The following SLC25A53 variants were observed in gnomAD, a reference collection of about 807,000 sequenced individuals.
The protein encoded by SLC25A53 is solute carrier family 25 member 53, also known as mitochondrial carrier triple repeat protein 6.
Under a neutral mutation model 15.0 loss-of-function variants are expected in SLC25A53, and 5 were observed. That is an observed-to-expected ratio of 0.33 (90% CI 0.17 to 0.70). SLC25A53 has a LOEUF of 0.70. SLC25A53 is among the 30% of genes least tolerant of loss of function. The pLI is 0.67. For synonymous variants in SLC25A53, 95 were observed against 100.0 expected (o/e 0.95, Z 0.30); for missense variants, 216 against 241.6 (o/e 0.89, Z 0.70).
intron 1 of SLC25A53, among the ~76,000 whole-genome samples, chrX:104,129,268 C>T (rs1321228672): frequency 1.8e-5 from 2 of 111,665 alleles, no homozygotes; most frequent in African/African-American, 6.5e-5. Flanking sequence ...TATAGACTGG[C>T]AAGCCTTTCC....
At chrX:104,130,188 C>A (rs1439899192) in intron 1 of SLC25A53, among the ~76,000 whole-genome samples, 1 of 110,970 alleles carries the variant, frequency 9.0e-6, no homozygotes, top group African/African-American at 3.3e-5. Flanking sequence ...CCAGTACGCA[C>A]TCCCTGCTAT....
chrX:104,120,051 G>A (rs4471175), intron 1 of SLC25A53, among the ~76,000 whole-genome samples: 17,547 of 110,986 alleles, frequency 0.16, 1,212 homozygotes, highest in Non-Finnish European at 0.23. Context: ...ATGCGGCATC[G>A]GTTCATCATT....
intron 1 of SLC25A53, among the ~76,000 whole-genome samples, chrX:104,132,832 A>C (rs1488827700): frequency 1.8e-5 from 2 of 111,893 alleles, no homozygotes; most frequent in Non-Finnish European, 3.8e-5. Flanking sequence ...CAGAGTTTCC[A>C]CAGCAGCTGA....
chrX:104,120,640 T>A (rs2075390545), intron 1 of SLC25A53, among the ~76,000 whole-genome samples: 1 of 111,836 alleles, frequency 8.9e-6, no homozygotes, highest in South Asian at 3.7e-4. Flanking sequence ...ATGATGGTAG[T>A]TTTATTTCTT....
chrX:104,114,918 T>C, intron 1 of SLC25A53: 2 of 1,199,438 alleles, frequency 1.7e-6, no homozygotes, highest in Admixed American at 2.3e-5. Context: ...TAGAAATAGA[T>C]GATACCCTTG....
intron 1 of SLC25A53, chrX:104,114,048 A>G: frequency 8.3e-7 from 1 of 1,203,763 alleles, no homozygotes. Context: ...AGAATCCTGC[A>G]GATAAGGCTT....
chrX:104,119,035 T>C (rs781993262), intron 1 of SLC25A53, among the ~76,000 whole-genome samples: 2 of 111,853 alleles, frequency 1.8e-5, no homozygotes, highest in East Asian at 5.6e-4. Context: ...GTCTATGCTT[T>C]TGGTGCAAAT....
At chrX:104,151,725 C>T (rs2075485218) in intron 1 of SLC25A53, among the ~76,000 whole-genome samples, 1 of 112,161 alleles carries the variant, frequency 8.9e-6, no homozygotes, top group Admixed American at 9.5e-5. Context: ...TCCTTCACAA[C>T]CATCTGTCCA....
At chrX:104,147,128 G>C (rs1359637156) in intron 1 of SLC25A53, among the ~76,000 whole-genome samples, 104 of 111,440 alleles carry the variant, frequency 9.3e-4, no homozygotes, top group South Asian at 3.4e-3. Context: ...GAACAGAACA[G>C]AGCCCTCAGA....
intron 1 of SLC25A53, among the ~76,000 whole-genome samples, chrX:104,137,987 A>G (rs1242647749): frequency 4.4e-5 from 5 of 112,588 alleles, no homozygotes; most frequent in African/African-American, 1.6e-4. Context: ...CCAAATTCTA[A>G]AAGTGAACAG....
At chrX:104,122,989 G>A (rs1201514581) in intron 1 of SLC25A53, among the ~76,000 whole-genome samples, 1 of 111,905 alleles carries the variant, frequency 8.9e-6, no homozygotes, top group Non-Finnish European at 1.9e-5. Context: ...GACAATAACA[G>A]GAAGTCCCTC....
intron 1 of SLC25A53, among the ~76,000 whole-genome samples, chrX:104,121,920 T>TC (rs2075395222): frequency 0.024 from 1,142 of 47,625 alleles, 77 homozygotes; most frequent in Non-Finnish European, 0.034. Context: ...TATATATATA[T>TC]ATATATATAT....
intron 1 of SLC25A53, among the ~76,000 whole-genome samples, chrX:104,107,543 C>T: frequency 8.9e-6 from 1 of 112,591 alleles, no homozygotes; most frequent in Middle Eastern, 4.6e-3. Flanking sequence ...CCCAACAGTC[C>T]TCAGCTCTCC....
At position 104,105,234 on chromosome X, in the gene SLC25A53, G is replaced by A. The variant is rs1226746964; in HGVS notation, c.24C>T (p.Pro8=). 5.8e-6 allele frequency: 7 copies of A among 1,208,755 alleles called. No individual in the cohort carries two copies. The highest frequency in any genetic ancestry group is 1.7e-5 in the African/African-American group (1 of 57,815). MGEQNHS[P]GKELQHRTRA... is the part of the protein sequence containing the mutation. ...GCGTCCTGTGCTGAAGCTCCTTCCC[G>A]GGAGAGTGGTTCTGCTCCCCCATGC... Residue 8 remains proline, a synonymous_variant, in exon 2 of 2, where the codon CCC becomes CCT. Coordinates refer to ENST00000594199, the MANE Select transcript of SLC25A53 (RefSeq NM_001012755.5).
intron 1 of SLC25A53, among the ~76,000 whole-genome samples, chrX:104,107,809 T>C (rs1357676175): frequency 8.9e-6 from 1 of 111,975 alleles, no homozygotes; most frequent in African/African-American, 3.2e-5. Context: ...TAGTATGAGA[T>C]ACCAGCATTC....
chrX:104,134,971 C>T, intron 1 of SLC25A53, among the ~76,000 whole-genome samples: 1 of 110,925 alleles, frequency 9.0e-6, no homozygotes, highest in African/African-American at 3.3e-5. Flanking sequence ...CATCTCCTGC[C>T]ACTCCTCCAT....
chrX:104,112,606 G>A (rs1556359526), intron 1 of SLC25A53: 1 of 113,760 alleles, frequency 8.8e-6, no homozygotes, highest in East Asian at 2.8e-4. Flanking sequence ...AGCCTTGGCT[G>A]CCTTGGGAAC....
At chrX:104,146,167 A>G (rs140120034) in intron 1 of SLC25A53, among the ~76,000 whole-genome samples, 1,892 of 112,239 alleles carry the variant, frequency 0.017, 12 homozygotes, top group Non-Finnish European at 0.028. Flanking sequence ...GCAAATCAAT[A>G]AACATAACCC....
At chrX:104,135,017 T>C (rs2075433315) in intron 1 of SLC25A53, among the ~76,000 whole-genome samples, 1 of 111,162 alleles carries the variant, frequency 9.0e-6, no homozygotes, top group Non-Finnish European at 1.9e-5. Context: ...AATTACTCTC[T>C]ACCTTCAACT....
Sources: gnomAD v4.1 joint callset for allele counts (sites outside exome capture counted in the v4.1 genomes callset) on GRCh38, gnomAD v4.1.1 for gene constraint, MANE v1.5 for transcripts, NCBI Gene and HGNC (gene_info 2026-07-23, HGNC 2026-07-21) for gene names.